Variants in PCCA observed in about 807,000 individuals in gnomAD.
The protein encoded by PCCA is propionyl-CoA carboxylase subunit alpha.
A neutral mutation model predicts 101.3 loss-of-function variants in PCCA; 74 were observed. The observed-to-expected ratio is 0.73, with a 90% CI of 0.61 to 0.89. The LOEUF (loss-of-function observed/expected upper bound fraction) is 0.89, where lower values mean the gene tolerates loss of function less well. Ranked by LOEUF, PCCA falls within the 40% of genes least tolerant of loss-of-function variation. The probability of loss-of-function intolerance (pLI) is 0.00; values close to 1 mark genes in which losing one functional copy is unlikely to be tolerated. For missense variants in PCCA, 891 were observed against 907.0 expected (o/e 0.98, Z 0.23); for synonymous variants, 294 against 313.6 (o/e 0.94, Z 0.66).
chr13:100,461,328 A>C (rs1439793284), intron 21 of PCCA, among the ~76,000 whole-genome samples: 1 of 152,250 alleles, frequency 6.6e-6, no homozygotes, highest in Non-Finnish European at 1.5e-5. Flanking sequence ...AGATATGTAA[A>C]CATCATCAAA....
intron 9 of PCCA, among the ~76,000 whole-genome samples, chr13:100,260,002 C>CT (rs898961956): frequency 1.3e-5 from 2 of 152,000 alleles, no homozygotes; most frequent in Admixed American, 6.6e-5. Context: ...ATTTTGGTGA[C>CT]TTTGACTTTT....
intron 4 of PCCA, chr13:100,150,553 G>T: frequency 7.8e-7 from 1 of 1,289,470 alleles, no homozygotes; most frequent in Non-Finnish European, 1.1e-6. Flanking sequence ...CAATAGTGTG[G>T]TGGAACTTAC....
intron 12 of PCCA, among the ~76,000 whole-genome samples, chr13:100,277,235 G>T (rs1479764850): frequency 6.6e-6 from 1 of 152,078 alleles, no homozygotes; most frequent in Admixed American, 6.6e-5. Flanking sequence ...AGTTTATCAA[G>T]GTTCTTTGAT....
intron 1 of PCCA, among the ~76,000 whole-genome samples, chr13:100,102,343 C>T (rs2047356134): frequency 6.6e-6 from 1 of 152,144 alleles, no homozygotes; most frequent in South Asian, 2.1e-4. Flanking sequence ...TTAAGATACG[C>T]TTTCTTCACA....
intron 16 of PCCA, among the ~76,000 whole-genome samples, chr13:100,325,040 T>C (rs889297697): frequency 9.9e-5 from 15 of 152,092 alleles, no homozygotes; most frequent in African/African-American, 3.6e-4. Context: ...TATGGTAGAT[T>C]GAGGTCTGCA....
At chr13:100,302,416 C>A (rs894731145) in intron 13 of PCCA, among the ~76,000 whole-genome samples, 2 of 151,724 alleles carry the variant, frequency 1.3e-5, no homozygotes, top group East Asian at 3.9e-4. Context: ...TCTTATGACA[C>A]TGAACCTGTT....
intron 6 of PCCA, among the ~76,000 whole-genome samples, chr13:100,206,196 A>AAATTCTAGGCAT (rs1218813764): frequency 2.0e-5 from 3 of 152,172 alleles, no homozygotes; most frequent in Admixed American, 2.0e-4. Flanking sequence ...TAACACCAGC[A>AAATTCTAGGCAT]AATTCTAGGC....
At chr13:100,153,825 T>A (rs2053609676) in intron 4 of PCCA, among the ~76,000 whole-genome samples, 1 of 152,240 alleles carries the variant, frequency 6.6e-6, no homozygotes, top group Admixed American at 6.5e-5. Flanking sequence ...GATATTGACC[T>A]GAAAATCCCT....
chr13:100,105,946 T>C lies in PCCA; in HGVS notation c.183+2986T>C, dbSNP rs146872232. Reference sequence around the variant, plus strand: ...TTGTGGTATTCGTCAATATATGTTATTGGCTATTGCTTTAGGGAAATTCTG... The same window carrying C: ...TTGTGGTATTCGTCAATATATGTTACTGGCTATTGCTTTAGGGAAATTCTG... On this transcript the variant is annotated intron_variant, in intron 2 of 23. Coordinates refer to ENST00000376285, the MANE Select transcript of PCCA (RefSeq NM_000282.4). 8.0e-3 allele frequency among the ~76,000 whole-genome samples: 1,217 copies of C among 151,956 alleles called. 11 individuals are homozygous for C. The highest frequency in any genetic ancestry group is 0.028 in the African/African-American group (1,149 of 41,444).
chr13:100,399,371 A>G (rs560020504), intron 19 of PCCA, among the ~76,000 whole-genome samples: 1 of 152,316 alleles, frequency 6.6e-6, no homozygotes, highest in South Asian at 2.1e-4. Flanking sequence ...AAGTATTATT[A>G]TTGTTACAAT....
intron 19 of PCCA, among the ~76,000 whole-genome samples, chr13:100,380,537 A>G (rs949454883): frequency 6.6e-6 from 1 of 152,254 alleles, no homozygotes; most frequent in Non-Finnish European, 1.5e-5. Flanking sequence ...CCAAAAATAT[A>G]TGGTCAATTG....
At chr13:100,295,773 T>C (rs1317160910) in intron 12 of PCCA, among the ~76,000 whole-genome samples, 4 of 152,218 alleles carry the variant, frequency 2.6e-5, no homozygotes, top group African/African-American at 7.2e-5. Flanking sequence ...GCTGCAGATA[T>C]AGCACTGTTG....
At chr13:100,137,450 A>G (rs563042131) in intron 4 of PCCA, among the ~76,000 whole-genome samples, 2 of 152,276 alleles carry the variant, frequency 1.3e-5, no homozygotes, top group African/African-American at 2.4e-5. Context: ...GATGTTTCCA[A>G]CGATGACTGG....
intron 18 of PCCA, among the ~76,000 whole-genome samples, chr13:100,361,823 C>T (rs1846310838): frequency 6.6e-6 from 1 of 152,152 alleles, no homozygotes; most frequent in South Asian, 2.1e-4. Flanking sequence ...TTTTGGAAAA[C>T]AATTTAGCAA....
At chr13:100,152,961 G>T (rs2053520330) in intron 4 of PCCA, among the ~76,000 whole-genome samples, 1 of 152,100 alleles carries the variant, frequency 6.6e-6, no homozygotes, top group Non-Finnish European at 1.5e-5. Context: ...ATAAACACAT[G>T]TGCCTATGTG....
At chr13:100,308,969 G>A (rs1342539116) in intron 15 of PCCA, among the ~76,000 whole-genome samples, 2 of 152,050 alleles carry the variant, frequency 1.3e-5, no homozygotes, top group Non-Finnish European at 2.9e-5. Context: ...AGACTTTTCT[G>A]TTTTTTTGAT....
At chr13:100,146,026 G>T in intron 4 of PCCA, among the ~76,000 whole-genome samples, 1 of 148,314 alleles carries the variant, frequency 6.7e-6, no homozygotes. Context: ...TGCAATCTCT[G>T]CCTCCTGGGT....
intron 6 of PCCA, among the ~76,000 whole-genome samples, chr13:100,186,754 A>G (rs1335111449): frequency 1.3e-5 from 2 of 151,730 alleles, no homozygotes; most frequent in Non-Finnish European, 2.9e-5. Context: ...AAAAACAAAA[A>G]AAAAAAGAAA....
chr13:100,257,541 A>G, intron 8 of PCCA, 54 bp from the exon 9 acceptor site: 1 of 1,203,564 alleles, frequency 8.3e-7, no homozygotes, highest in Non-Finnish European at 1.2e-6. Context: ...TGTCATGTTC[A>G]TACATCCCAA....
Sources: allele counts gnomAD v4.1 joint callset (sites outside exome capture counted in the v4.1 genomes callset), GRCh38; gene constraint gnomAD v4.1.1; transcripts MANE v1.5; gene names NCBI Gene and HGNC (gene_info 2026-07-23, HGNC 2026-07-21).